Variants in PLPPR1 observed in about 807,000 individuals in gnomAD.
PLPPR1 encodes phospholipid phosphatase-related protein type 1.
In PLPPR1, 10 loss-of-function variants were observed where a neutral mutation model predicts 33.1. The ratio of observed to expected loss-of-function variants is 0.30; its 90% confidence interval spans 0.19 to 0.51. PLPPR1 has a LOEUF of 0.51. Ranked by LOEUF, PLPPR1 falls within the 20% of genes least tolerant of loss-of-function variation. PLPPR1 has a pLI of 0.97. For missense variants in PLPPR1, 304 were observed against 408.1 expected (o/e 0.74, Z 2.20); for synonymous variants, 151 against 151.0 (o/e 1.00, Z 0.00).
intron 1 of PLPPR1, among the ~76,000 whole-genome samples, chr9:101,069,593 A>G (rs1830459720): frequency 6.6e-6 from 1 of 152,102 alleles, no homozygotes; most frequent in African/African-American, 2.4e-5. Context: ...TTATACCTGA[A>G]TCCCACTCTC....
intron 1 of PLPPR1, among the ~76,000 whole-genome samples, chr9:101,149,922 G>A (rs1831561666): frequency 6.6e-6 from 1 of 151,730 alleles, no homozygotes; most frequent in South Asian, 2.1e-4. Context: ...CCAATTATAG[G>A]TGTGTAGGAT....
chr9:101,145,673 G>A (rs1157026979), intron 1 of PLPPR1, among the ~76,000 whole-genome samples: 1 of 151,498 alleles, frequency 6.6e-6, no homozygotes, highest in East Asian at 1.9e-4. Context: ...AAGCCATCAT[G>A]ACTGGCAATA....
chr9:101,152,560 T>G (rs1831603306), intron 1 of PLPPR1, among the ~76,000 whole-genome samples: 1 of 152,214 alleles, frequency 6.6e-6, no homozygotes, highest in Admixed American at 6.5e-5. Flanking sequence ...TAATTCATCT[T>G]GAATTAATTT....
At chr9:101,263,209 C>G (rs958116409) in intron 2 of PLPPR1, among the ~76,000 whole-genome samples, 3 of 152,094 alleles carry the variant, frequency 2.0e-5, no homozygotes, top group Non-Finnish European at 4.4e-5. Flanking sequence ...ACCACTGAAT[C>G]ATTGTTTATC....
intron 2 of PLPPR1, among the ~76,000 whole-genome samples, chr9:101,229,332 C>T (rs1197979594): frequency 6.6e-6 from 1 of 152,096 alleles, no homozygotes; most frequent in Non-Finnish European, 1.5e-5. Flanking sequence ...AGCTAGTTCT[C>T]ATGTGTACCC....
At chr9:101,291,718 G>T (rs1041964590) in intron 4 of PLPPR1, among the ~76,000 whole-genome samples, 5 of 152,200 alleles carry the variant, frequency 3.3e-5, no homozygotes, top group Admixed American at 6.5e-5. Flanking sequence ...CAACAGACCC[G>T]CAGCTGAGGG....
chr9:101,095,266 C>A (rs1830802978), intron 1 of PLPPR1, among the ~76,000 whole-genome samples: 1 of 121,720 alleles, frequency 8.2e-6, no homozygotes, highest in Non-Finnish European at 1.9e-5. Flanking sequence ...GACTTCTATT[C>A]ATTCCCCACT....
intron 3 of PLPPR1, among the ~76,000 whole-genome samples, chr9:101,271,928 T>C (rs1157276301): frequency 6.6e-6 from 1 of 152,184 alleles, no homozygotes. Context: ...AATGGATTAA[T>C]AAAAATTGTG....
intron 2 of PLPPR1, chr9:101,188,027 C>A (rs1826233462): frequency 6.6e-6 from 1 of 151,962 alleles, no homozygotes; most frequent in African/African-American, 2.4e-5. Flanking sequence ...CTATGCTGAA[C>A]CTTTCTTTTG....
At chr9:101,081,085 T>C (rs781368906) in intron 1 of PLPPR1, among the ~76,000 whole-genome samples, 1 of 152,194 alleles carries the variant, frequency 6.6e-6, no homozygotes, top group African/African-American at 2.4e-5. Flanking sequence ...CCTTCCATTC[T>C]CTAGCCCCCA....
In PLPPR1 at chr9:101,291,874, A is replaced by T. The variant is rs551372344; in HGVS notation, c.385+5638A>T. Among the ~76,000 whole-genome samples, 246 of 152,350 alleles carry T rather than the reference A, an allele frequency of 1.6e-3. 1 individual carries two copies. The highest frequency in any genetic ancestry group is 2.8e-3 in the Non-Finnish European group (188 of 68,036). ...AACAGAAAAACTGGAAATTCTAAAAAGCAGAGCACCTCTCCTCCTCCAAAG... is the reference window on the plus strand; with the variant it reads ...AACAGAAAAACTGGAAATTCTAAAATGCAGAGCACCTCTCCTCCTCCAAAG... On this transcript the variant is annotated intron_variant, in intron 4 of 7. Coordinates refer to ENST00000374874, the MANE Select transcript of PLPPR1 (RefSeq NM_207299.2).
intron 2 of PLPPR1, among the ~76,000 whole-genome samples, chr9:101,225,585 A>T (rs1169900964): frequency 6.6e-6 from 1 of 152,160 alleles, no homozygotes; most frequent in African/African-American, 2.4e-5. Context: ...GGGAGCATGC[A>T]GTGAAAATAA....
chr9:101,070,573 G>A (rs185448624), intron 1 of PLPPR1, among the ~76,000 whole-genome samples: 14 of 152,150 alleles, frequency 9.2e-5, no homozygotes, highest in African/African-American at 3.1e-4. Context: ...TAAGGATTGA[G>A]CACTGGCTAC....
chr9:101,112,391 T>A lies in PLPPR1; in HGVS notation c.-45-73059T>A, dbSNP rs573157806. On this transcript the variant is annotated intron_variant, in intron 1 of 7. Coordinates refer to ENST00000374874, the MANE Select transcript of PLPPR1 (RefSeq NM_207299.2). ...AAGATTGCTGTCCTTACCTATTTAG[T>A]ATTGGGTTCATATTCTGAGAGGATA... Among the ~76,000 whole-genome samples the A allele has an allele frequency of 8.5e-5, 13 of 152,330 alleles. No homozygotes were observed. In the South Asian group the frequency reaches 2.3e-3, roughly 27 times the overall value.
chr9:101,168,300 C>T (rs1414230276), intron 1 of PLPPR1, among the ~76,000 whole-genome samples: 1 of 152,146 alleles, frequency 6.6e-6, no homozygotes, highest in Non-Finnish European at 1.5e-5. Flanking sequence ...CAGTCACTAT[C>T]TGCAGTGCTA....
intron 2 of PLPPR1, among the ~76,000 whole-genome samples, chr9:101,188,354 C>A (rs1398956565): frequency 1.3e-5 from 2 of 151,954 alleles, no homozygotes; most frequent in African/African-American, 4.8e-5. Flanking sequence ...ATATCAATTT[C>A]TTTGAAGAAA....
intron 1 of PLPPR1, among the ~76,000 whole-genome samples, chr9:101,150,495 T>A (rs1471133432): frequency 6.6e-6 from 1 of 152,204 alleles, no homozygotes; most frequent in Non-Finnish European, 1.5e-5. Flanking sequence ...TTCTGCAACT[T>A]TAGTTGAGCC....
intron 1 of PLPPR1, among the ~76,000 whole-genome samples, chr9:101,077,536 G>T (rs1019247176): frequency 1.3e-5 from 2 of 152,144 alleles, no homozygotes; most frequent in African/African-American, 4.8e-5. Flanking sequence ...ACTGTCTTAG[G>T]TCAGCTTCTC....
At chr9:101,169,377 G>C (rs910445083) in intron 1 of PLPPR1, among the ~76,000 whole-genome samples, 3 of 151,956 alleles carry the variant, frequency 2.0e-5, no homozygotes, top group Non-Finnish European at 2.9e-5. Flanking sequence ...GAAAAATAGA[G>C]GTAAACAATA....
Sources: allele counts gnomAD v4.1 joint callset (sites outside exome capture counted in the v4.1 genomes callset), GRCh38; gene constraint gnomAD v4.1.1; transcripts MANE v1.5; gene names NCBI Gene and HGNC (gene_info 2026-07-23, HGNC 2026-07-21).